DNAJC15: variants seen among roughly 807,000 people sequenced by gnomAD.
DNAJC15 encodes dnaJ homolog subfamily C member 15.
DNAJC15 carries 27 observed loss-of-function variants against 22.4 expected under a neutral mutation model. The observed-to-expected ratio is 1.20, with a 90% CI of 0.89 to 1.66. The LOEUF is 1.66. Among genes scored for constraint, DNAJC15 ranks in the 40% most tolerant of loss-of-function variants. DNAJC15 has a pLI of 0.00. For synonymous variants in DNAJC15, 79 were observed against 63.2 expected (o/e 1.25, Z -1.19); for missense variants, 208 against 187.1 (o/e 1.11, Z -0.65).
At chr13:43,076,890 T>C (rs2040636331) in intron 3 of DNAJC15, among the ~76,000 whole-genome samples, 2 of 152,212 alleles carry the variant, frequency 1.3e-5, no homozygotes, top group South Asian at 4.1e-4. Flanking sequence ...TTAGAAACTT[T>C]GAAACCATTT....
chr13:43,083,624 G>T (rs1018250965), intron 4 of DNAJC15, among the ~76,000 whole-genome samples: 14 of 152,184 alleles, frequency 9.2e-5, no homozygotes, highest in African/African-American at 3.1e-4. Flanking sequence ...AGCAAAAAAA[G>T]GAGTTGATAA....
chr13:43,096,168 A>G (rs991947169), intron 5 of DNAJC15, among the ~76,000 whole-genome samples: 1 of 152,200 alleles, frequency 6.6e-6, no homozygotes, highest in South Asian at 2.1e-4. Context: ...AGTCAATTGT[A>G]TAACTGTGGG....
chr13:43,048,170 C>T (rs758654785), intron 1 of DNAJC15, among the ~76,000 whole-genome samples: 25 of 152,160 alleles, frequency 1.6e-4, no homozygotes, highest in Non-Finnish European at 3.1e-4. Flanking sequence ...GACAAGTGTA[C>T]TCTAAAGTAA....
chr13:43,055,125 T>G (rs1352815956), intron 1 of DNAJC15, among the ~76,000 whole-genome samples: 6 of 151,536 alleles, frequency 4.0e-5, no homozygotes, highest in Non-Finnish European at 5.9e-5. Context: ...GGGGGATGCC[T>G]GCAGCTGCAA....
chr13:43,040,285 C>T (rs777448364), intron 1 of DNAJC15, among the ~76,000 whole-genome samples: 1 of 152,174 alleles, frequency 6.6e-6, no homozygotes, highest in Non-Finnish European at 1.5e-5. Context: ...CTAACAAATT[C>T]GTTTCAAATG....
intron 1 of DNAJC15, among the ~76,000 whole-genome samples, chr13:43,029,686 T>A (rs2040395948): frequency 6.6e-6 from 1 of 152,172 alleles, no homozygotes; most frequent in Non-Finnish European, 1.5e-5. Context: ...TAGTGGATAT[T>A]TGAAACCAGG....
At chr13:43,079,564 G>T (rs1463428231) in intron 4 of DNAJC15, among the ~76,000 whole-genome samples, 1 of 152,052 alleles carries the variant, frequency 6.6e-6, no homozygotes, top group Non-Finnish European at 1.5e-5. Flanking sequence ...AATAGGAAAT[G>T]ATTTTAAGCA....
intron 1 of DNAJC15, among the ~76,000 whole-genome samples, chr13:43,051,453 T>TC (rs1469023601): frequency 9.2e-5 from 14 of 152,180 alleles, no homozygotes; most frequent in African/African-American, 3.4e-4. Flanking sequence ...GTCCCCACAA[T>TC]CCGTTGTATC....
At chr13:43,061,771 T>C (rs1026564668) in intron 1 of DNAJC15, among the ~76,000 whole-genome samples, 9 of 152,238 alleles carry the variant, frequency 5.9e-5, no homozygotes, top group Non-Finnish European at 1.3e-4. Flanking sequence ...TTTGCCCCCA[T>C]GATCTACGCA....
chr13:43,030,686 T>C (rs1053205676), intron 1 of DNAJC15, among the ~76,000 whole-genome samples: 3 of 152,170 alleles, frequency 2.0e-5, no homozygotes, highest in Non-Finnish European at 2.9e-5. Context: ...AATACGCATT[T>C]TTTCCTCAAG....
rs1463798803 is a variant in DNAJC15 at position 43,053,498 on chromosome 13, A to G, written c.109-12188A>G. Reference sequence around the variant, plus strand: ...GAGTTTGTAGATTGCTTTTGGCAGTACAGTCATTTTCACAATATTGATTCT... The same window carrying G: ...GAGTTTGTAGATTGCTTTTGGCAGTGCAGTCATTTTCACAATATTGATTCT... On this transcript the variant is annotated intron_variant, in intron 1 of 5. Coordinates refer to ENST00000379221, the MANE Select transcript of DNAJC15 (RefSeq NM_013238.3). 1.5e-4 allele frequency among the ~76,000 whole-genome samples: 23 copies of G among 152,184 alleles called. 1 individual carries two copies.
At chr13:43,088,063 A>G (rs1298819931) in intron 5 of DNAJC15, among the ~76,000 whole-genome samples, 1 of 152,202 alleles carries the variant, frequency 6.6e-6, no homozygotes, top group Non-Finnish European at 1.5e-5. Context: ...CATAGTGAAT[A>G]TAGAAGGGGA....
At chr13:43,091,771 T>C (rs1031342944) in intron 5 of DNAJC15, among the ~76,000 whole-genome samples, 3 of 151,040 alleles carry the variant, frequency 2.0e-5, no homozygotes, top group African/African-American at 7.4e-5. Flanking sequence ...TAATTTTCAT[T>C]ATGATTTTTT....
chr13:43,072,199 C>T (rs1344684629), intron 3 of DNAJC15, among the ~76,000 whole-genome samples: 1 of 152,132 alleles, frequency 6.6e-6, no homozygotes, highest in Non-Finnish European at 1.5e-5. Flanking sequence ...TTATTTTTAG[C>T]TCTGAAAGTT....
At chr13:43,067,821 A>G (rs1327819514) in intron 2 of DNAJC15, among the ~76,000 whole-genome samples, 1 of 152,180 alleles carries the variant, frequency 6.6e-6, no homozygotes, top group African/African-American at 2.4e-5. Context: ...GAGGTAATAT[A>G]AAAGCTACAT....
At chr13:43,105,112 G>C (rs1041448009) in intron 5 of DNAJC15, among the ~76,000 whole-genome samples, 1 of 151,124 alleles carries the variant, frequency 6.6e-6, no homozygotes, top group Admixed American at 6.6e-5. Flanking sequence ...CATATTGTTG[G>C]AAGATCTGAA....
At position 43,068,982 on chromosome 13, in the gene DNAJC15, T is replaced by G. The variant is rs748266523; in HGVS notation, c.213T>G (p.Thr71=). The change falls in exon 3 of 6, where the codon ACT becomes ACG. Residue 71 remains threonine, a synonymous_variant. Coordinates refer to ENST00000379221, the MANE Select transcript of DNAJC15 (RefSeq NM_013238.3). ...WKPLEQVITE[T]AKKISTPSFS... ...CTCTAGAACAAGTTATCACAGAAACTGCAAAGAAGATTTCAACTCCTGTAA... is the reference window on the plus strand; with the variant it reads ...CTCTAGAACAAGTTATCACAGAAACGGCAAAGAAGATTTCAACTCCTGTAA... 3.7e-5 allele frequency: 59 copies of G among 1,612,696 alleles called. No individual in the cohort carries two copies. The highest frequency in any genetic ancestry group is 1.9e-5 in the Non-Finnish European group (22 of 1,179,352).
chr13:43,103,445 C>G (rs1014116040), intron 5 of DNAJC15, among the ~76,000 whole-genome samples: 3 of 152,186 alleles, frequency 2.0e-5, no homozygotes, highest in Admixed American at 2.0e-4. Flanking sequence ...ATTTCCAAAC[C>G]TATCTATGGT....
At chr13:43,091,148 G>A (rs919903860) in intron 5 of DNAJC15, among the ~76,000 whole-genome samples, 8 of 151,856 alleles carry the variant, frequency 5.3e-5, no homozygotes, top group Non-Finnish European at 1.0e-4. Flanking sequence ...GCAGTGGCAC[G>A]ATCTCTGCTC....
Sources: gnomAD v4.1 joint callset for allele counts (sites outside exome capture counted in the v4.1 genomes callset) on GRCh38, gnomAD v4.1.1 for gene constraint, MANE v1.5 for transcripts, NCBI Gene and HGNC (gene_info 2026-07-23, HGNC 2026-07-21) for gene names.